Variants in PARD3B observed in about 807,000 individuals in gnomAD.
PARD3B encodes par-3 family cell polarity regulator beta, also known as partitioning defective 3 homolog B.
PARD3B carries 103 observed loss-of-function variants against 130.2 expected under a neutral mutation model. The ratio of observed to expected loss-of-function variants is 0.79; its 90% CI spans 0.67 to 0.93. The LOEUF is 0.93. Among genes scored for constraint, PARD3B ranks in the 40% least tolerant of loss-of-function variants. PARD3B has a pLI of 0.00. For missense variants in PARD3B, 1,609 were observed against 1,499.2 expected (o/e 1.07, Z -1.21); for synonymous variants, 583 against 553.2 (o/e 1.05, Z -0.76).
intron 11 of PARD3B, among the ~76,000 whole-genome samples, chr2:205,165,367 G>A (rs1024241927): frequency 1.3e-5 from 2 of 152,060 alleles, no homozygotes; most frequent in South Asian, 4.1e-4. Context: ...ATTCAATGTG[G>A]CCATAGTAAA....
At chr2:204,980,243 A>G (rs1243865261) in intron 3 of PARD3B, among the ~76,000 whole-genome samples, 1 of 152,244 alleles carries the variant, frequency 6.6e-6, no homozygotes, top group Non-Finnish European at 1.5e-5. Context: ...AGAAAAGCAC[A>G]TTAAAACCAC....
At chr2:204,703,579 A>G (rs1217984308) in intron 2 of PARD3B, among the ~76,000 whole-genome samples, 1 of 152,220 alleles carries the variant, frequency 6.6e-6, no homozygotes, top group Non-Finnish European at 1.5e-5. Context: ...TTTCAGGAGC[A>G]GACAGATTTT....
At chr2:204,772,047 A>C (rs73982506) in intron 2 of PARD3B, among the ~76,000 whole-genome samples, 1,984 of 152,174 alleles carry the variant, frequency 0.013, 47 homozygotes, top group African/African-American at 0.046. Flanking sequence ...TGCATGAACA[A>C]AACAATTAGT....
At position 205,091,561 on chromosome 2, in the gene PARD3B, T is replaced by C. The variant is rs1009830947; in HGVS notation, c.505-12865T>C. ...ACAGAGCTATCACTATTTAAGGATG[T>C]GTCTGCGAAAACATTTATCATCATC... On this transcript the variant is annotated intron_variant, in intron 4 of 22. Coordinates refer to ENST00000406610, the MANE Select transcript of PARD3B (RefSeq NM_001302769.2). The surrounding 1 kb of genome is among the most constrained non-coding windows in gnomAD (Gnocchi z 4.2). Among the ~76,000 whole-genome samples, 1 of 152,186 alleles carries C rather than the reference T, an allele frequency of 6.6e-6. No homozygotes were observed. The highest frequency in any genetic ancestry group is 2.4e-5 in the African/African-American group (1 of 41,444).
At chr2:204,952,737 G>A (rs1443047865) in intron 2 of PARD3B, among the ~76,000 whole-genome samples, 1 of 152,098 alleles carries the variant, frequency 6.6e-6, no homozygotes, top group African/African-American at 2.4e-5. Flanking sequence ...GGTGGCTCAC[G>A]CCTGTAATCC....
At chr2:205,377,663 C>T (rs918676434) in intron 18 of PARD3B, among the ~76,000 whole-genome samples, 1 of 152,074 alleles carries the variant, frequency 6.6e-6, no homozygotes, top group Non-Finnish European at 1.5e-5. Context: ...AGTGGAGTCT[C>T]CTGGCTCACA....
chr2:205,054,436 A>ATAT (rs1411271901), intron 4 of PARD3B, among the ~76,000 whole-genome samples: 38 of 28,440 alleles, frequency 1.3e-3, no homozygotes, highest in African/African-American at 5.4e-3. Flanking sequence ...ATATATATAT[A>ATAT]TTTTTTTTTT....
At chr2:205,000,384 C>T (rs377198647) in intron 3 of PARD3B, among the ~76,000 whole-genome samples, 37 of 152,026 alleles carry the variant, frequency 2.4e-4, no homozygotes, top group African/African-American at 7.2e-4. Flanking sequence ...GGTTGGGGGA[C>T]GAGATAAGGT....
rs548764059 is a variant in PARD3B, at chr2:204,715,019, T to C, written c.222+28737T>C. 2.8e-4 allele frequency among the ~76,000 whole-genome samples: 43 copies of C among 152,286 alleles called. 1 individual carries two copies. The South Asian group carries it at 8.7e-3, about 31-fold the overall frequency. On this transcript the variant is annotated intron_variant, in intron 2 of 22. Transcript: ENST00000406610. The stretch of plus-strand genomic sequence containing the variant: ...ACAAATTGCAGGACACTCACAAAGA[T>C]AGCTTTTGAAAGGCTTACCAATAAG...
intron 1 of PARD3B, among the ~76,000 whole-genome samples, chr2:204,647,999 A>AT (rs2035332289): frequency 1.3e-5 from 2 of 151,560 alleles, no homozygotes; most frequent in South Asian, 4.1e-4. Flanking sequence ...TTAAAGGTTA[A>AT]TTTTTGTGTA....
At chr2:205,524,640 T>C (rs1222447031) in intron 21 of PARD3B, among the ~76,000 whole-genome samples, 1 of 152,214 alleles carries the variant, frequency 6.6e-6, no homozygotes, top group Non-Finnish European at 1.5e-5. Flanking sequence ...TTTTTTCCGC[T>C]GTTACAGCTA....
intron 18 of PARD3B, among the ~76,000 whole-genome samples, chr2:205,358,846 T>C (rs919072682): frequency 2.1e-4 from 32 of 152,234 alleles, no homozygotes; most frequent in African/African-American, 7.5e-4. Flanking sequence ...CAAAATTTTA[T>C]TGTTGAATGC....
At position 205,344,194 on chromosome 2, in the gene PARD3B, T is replaced by TTGTGTGTG. The variant is rs1553681141; in HGVS notation, c.2630+42519_2630+42526dup. Among the ~76,000 whole-genome samples the TTGTGTGTG allele has an allele frequency of 2.3e-3, 331 of 141,032 alleles. 1 individual carries two copies. Among genetic ancestry groups the TTGTGTGTG allele is most frequent in the African/African-American group, 6.2e-3 (238 of 38,590 alleles). 92.5% of individuals were successfully genotyped at this position (141,032 alleles called of 152,430 possible). A position where few individuals can be genotyped will look rare whatever the true frequency, so the allele number is the denominator to read the frequency against. Reference sequence around the variant, plus strand: ...GAAGGTGGGAAATGTGTCAGTTGGTTTGTGTGTGTGTGTGTGTGTGTGTGT... The same window carrying TTGTGTGTG: ...GAAGGTGGGAAATGTGTCAGTTGGTTTGTGTGTGTGTGTGTGTGTGTGTGTGTGTGTGT... On this transcript the variant is annotated intron_variant, in intron 18 of 22. Transcript: ENST00000406610.
At chr2:204,680,662 T>C (rs1444991097) in intron 1 of PARD3B, among the ~76,000 whole-genome samples, 1 of 152,098 alleles carries the variant, frequency 6.6e-6, no homozygotes, top group Non-Finnish European at 1.5e-5. Context: ...ACTGACACAT[T>C]TGGCACTGAT....
rs2035049545 is a variant in PARD3B, at chr2:205,169,905, A to G, written c.1621-2306A>G. Among the ~76,000 whole-genome samples the G allele has an allele frequency of 1.3e-5, 2 of 150,630 alleles. 1 individual carries two copies. The highest frequency in any genetic ancestry group is 4.9e-5 in the African/African-American group (2 of 40,982). ...CTCACATCACATAACGAAACCATTC[A>G]GGGTGTTTTTGTTGTTCCCCCCACC... On this transcript the variant is annotated intron_variant, in intron 11 of 22. Transcript: ENST00000406610.
rs1267960997 is a variant in PARD3B, at chr2:205,619,016, A to G, written c.*3203A>G. 1 of 152,224 alleles carries G rather than the reference A, an allele frequency of 6.6e-6. No homozygotes were observed. The highest frequency in any genetic ancestry group is 1.5e-5 in the Non-Finnish European group (1 of 68,048). The allele number at this position is 152,224 out of a possible 1,614,324, so 9.4% of individuals were successfully genotyped here. ...CAGGATGGCACCAAGTAAAGATCTTAAGAGCATAGTAGGGGTTCTGAGACC... is the reference window on the plus strand; with the variant it reads ...CAGGATGGCACCAAGTAAAGATCTTGAGAGCATAGTAGGGGTTCTGAGACC... On this transcript the variant is annotated 3_prime_UTR_variant, in exon 23 of 23. Coordinates refer to ENST00000406610, the MANE Select transcript of PARD3B (RefSeq NM_001302769.2).
intron 21 of PARD3B, among the ~76,000 whole-genome samples, chr2:205,532,807 A>G (rs1218626652): frequency 6.6e-6 from 1 of 152,162 alleles, no homozygotes; most frequent in Non-Finnish European, 1.5e-5. Context: ...AGTGTGATAG[A>G]CCAGGACTCA....
intron 20 of PARD3B, among the ~76,000 whole-genome samples, chr2:205,493,721 TATG>T (rs1313972582): frequency 0.028 from 98 of 3,516 alleles, 2 homozygotes; most frequent in Non-Finnish European, 0.19. Context: ...TTCATTTATG[TATG>T]TATTTATTTA....
chr2:204,902,716 G>T (rs1016632941), intron 2 of PARD3B, among the ~76,000 whole-genome samples: 1 of 149,462 alleles, frequency 6.7e-6, no homozygotes, highest in Admixed American at 6.6e-5. Flanking sequence ...TTTGTTCCTA[G>T]AGTTATCTCC....
Sources: allele counts gnomAD v4.1 joint callset (sites outside exome capture counted in the v4.1 genomes callset), GRCh38; gene constraint gnomAD v4.1.1; non-coding constraint Gnocchi (gnomAD v3.1); transcripts MANE v1.5; gene names NCBI Gene and HGNC (gene_info 2026-07-23, HGNC 2026-07-21).